DMD: variants seen among roughly 807,000 people sequenced by gnomAD.
DMD encodes the protein mutant dystrophin.
In DMD, 63 loss-of-function variants were observed where a neutral mutation model predicts 330.1. The observed-to-expected ratio is 0.19, with a 90% confidence interval of 0.16 to 0.24. DMD has a LOEUF of 0.24. Among genes scored for constraint, DMD ranks in the 10% least tolerant of loss-of-function variants. DMD has a pLI of 1.00. For synonymous variants in DMD, 1,223 were observed against 959.8 expected, an observed-to-expected ratio of 1.27 and a Z score of -5.07; for missense variants, 3,344 against 2,684.1, an observed-to-expected ratio of 1.25 and a Z score of -5.43.
intron 1 of DMD, among the ~76,000 whole-genome samples, chrX:33,297,704 T>C (rs987991196): frequency 9.0e-6 from 1 of 111,258 alleles, no homozygotes; most frequent in African/African-American, 3.3e-5. Context: ...GGAGGACATA[T>C]GCTATGTGAA....
chrX:32,621,485 CTT>C (rs200710203), intron 11 of DMD, among the ~76,000 whole-genome samples: 12 of 101,723 alleles, frequency 1.2e-4, no homozygotes, highest in African/African-American at 3.6e-4. Context: ...GTTTTATCTT[CTT>C]TTTTTTTTTT....
At chrX:31,155,909 C>T (rs1272328802) in intron 74 of DMD, among the ~76,000 whole-genome samples, 4 of 109,945 alleles carry the variant, frequency 3.6e-5, no homozygotes, top group African/African-American at 1.3e-4. Flanking sequence ...GTGGGAGGAC[C>T]GCTTGAGTCT....
chrX:32,363,665 G>C (rs1273012577), intron 36 of DMD, among the ~76,000 whole-genome samples: 2 of 111,960 alleles, frequency 1.8e-5, no homozygotes, highest in South Asian at 7.4e-4. Flanking sequence ...ATAAGCTTCA[G>C]ACAATGGCAT....
intron 7 of DMD, among the ~76,000 whole-genome samples, chrX:32,734,184 C>G (rs1346564918): frequency 4.6e-5 from 5 of 108,738 alleles, no homozygotes; most frequent in Non-Finnish European, 7.6e-5. Flanking sequence ...TAAATTCCTG[C>G]ACACATACAC....
At chrX:32,837,069 G>A (rs1305630057) in intron 4 of DMD, among the ~76,000 whole-genome samples, 3 of 111,611 alleles carry the variant, frequency 2.7e-5, no homozygotes, top group Non-Finnish European at 5.6e-5. Context: ...GAAGTGGTAT[G>A]GCCTCAAAGG....
intron 47 of DMD, among the ~76,000 whole-genome samples, chrX:31,893,291 T>A (rs12014135): frequency 5.4e-5 from 6 of 110,176 alleles, no homozygotes; most frequent in Non-Finnish European, 1.1e-4. Flanking sequence ...CCTAGACTCA[T>A]TGAAAAGAAG....
intron 62 of DMD, among the ~76,000 whole-genome samples, chrX:31,321,583 CAAA>C (rs1190446358): frequency 0.011 from 112 of 10,470 alleles, 4 homozygotes; most frequent in African/African-American, 0.05. Context: ...AACTCCATCT[CAAA>C]AAAAAAAAAA....
chrX:33,150,484 G>T (rs2081811862), intron 1 of DMD, among the ~76,000 whole-genome samples: 1 of 109,055 alleles, frequency 9.2e-6, no homozygotes, highest in African/African-American at 3.3e-5. Flanking sequence ...AGTAGAGTTG[G>T]GGTTTCGCCA....
At chrX:32,136,934 C>A (rs1433375102) in intron 44 of DMD, among the ~76,000 whole-genome samples, 2 of 110,645 alleles carry the variant, frequency 1.8e-5, no homozygotes, top group Non-Finnish European at 3.8e-5. Flanking sequence ...GGGTGCAGCG[C>A]ACCAGCATGG....
intron 30 of DMD, among the ~76,000 whole-genome samples, chrX:32,408,281 T>G (rs1029000774): frequency 4.5e-5 from 5 of 111,704 alleles, no homozygotes; most frequent in African/African-American, 1.6e-4. Flanking sequence ...AGTAACATAA[T>G]TTTAAATCCA....
At chrX:33,204,314 C>G (rs1264630244) in intron 1 of DMD, among the ~76,000 whole-genome samples, 1 of 111,655 alleles carries the variant, frequency 9.0e-6, no homozygotes, top group Non-Finnish European at 1.9e-5. Context: ...ACTTTTCTGC[C>G]CTCACTGTAC....
intron 7 of DMD, among the ~76,000 whole-genome samples, chrX:32,748,354 AAAAAAG>A (rs1483508726): frequency 1.5e-4 from 16 of 109,607 alleles, no homozygotes; most frequent in Non-Finnish European, 5.7e-5. Context: ...TCAAAAAAAA[AAAAAAG>A]AAAAGAAAAG....
chrX:33,233,803 T>C (rs1472311278), intron 1 of DMD, among the ~76,000 whole-genome samples: 3 of 112,012 alleles, frequency 2.7e-5, no homozygotes, highest in Non-Finnish European at 3.8e-5. Context: ...CACATGAGTA[T>C]AGGTAAAACT....
intron 55 of DMD, among the ~76,000 whole-genome samples, chrX:31,547,974 T>C (rs1203925858): frequency 8.9e-6 from 1 of 111,853 alleles, no homozygotes; most frequent in African/African-American, 3.2e-5. Flanking sequence ...GTTTGCATGG[T>C]TTGAATTCGA....
intron 44 of DMD, among the ~76,000 whole-genome samples, chrX:31,996,743 A>G (rs3932944): frequency 0.46 from 50,635 of 109,703 alleles, 8,995 homozygotes; most frequent in Non-Finnish European, 0.55. Flanking sequence ...CGTTGCAGGC[A>G]TATAACCGGT....
rs142286720 is a variant in DMD at position 32,751,128 on chromosome X, G to A, written c.650-51835C>T. On this transcript the variant is annotated intron_variant, in intron 7 of 78. Transcript: ENST00000357033. Reference sequence around the variant, plus strand: ...AAATTAATACAGTGAATTGGTACCAGTAGAGTGGGGTGCTGCTGAAAAGAC... The same window carrying A: ...AAATTAATACAGTGAATTGGTACCAATAGAGTGGGGTGCTGCTGAAAAGAC... Among the ~76,000 whole-genome samples the A allele has an allele frequency of 5.3e-3, 594 of 111,752 alleles. 4 individuals carry two copies. The highest frequency in any genetic ancestry group is 8.5e-3 in the Non-Finnish European group (454 of 53,219).
At chrX:32,109,243 AT>A (rs750992132) in intron 44 of DMD, among the ~76,000 whole-genome samples, 25 of 107,768 alleles carry the variant, frequency 2.3e-4, no homozygotes, top group East Asian at 2.9e-4. Context: ...CTACAATACA[AT>A]TTTTTTTTTG....
chrX:32,650,518 G>C (rs954981774), intron 9 of DMD, among the ~76,000 whole-genome samples: 6 of 111,487 alleles, frequency 5.4e-5, no homozygotes, highest in African/African-American at 1.6e-4. Context: ...GAGCATTTCT[G>C]AACAACCAGG....
At chrX:32,213,127 G>A (rs2097099336) in intron 44 of DMD, among the ~76,000 whole-genome samples, 1 of 112,020 alleles carries the variant, frequency 8.9e-6, no homozygotes, top group South Asian at 3.7e-4. Context: ...TTGTACATAT[G>A]AGGCTTCAGA....
Sources: gnomAD v4.1 joint callset for allele counts (sites outside exome capture counted in the v4.1 genomes callset) on GRCh38, gnomAD v4.1.1 for gene constraint, MANE v1.5 for transcripts, NCBI Gene and HGNC (gene_info 2026-07-23, HGNC 2026-07-21) for gene names.